Variants in B3GALT1 observed in about 807,000 individuals in gnomAD.
B3GALT1 encodes beta-1,3-galactosyltransferase 1.
B3GALT1 carries 10 observed loss-of-function variants against 23.2 expected under a neutral mutation model. The ratio of observed to expected loss-of-function variants is 0.43; its 90% CI spans 0.27 to 0.73. The LOEUF (loss-of-function observed/expected upper bound fraction) is 0.73, where lower values mean the gene tolerates loss of function less well. Ranked by LOEUF, B3GALT1 falls within the 30% of genes least tolerant of loss-of-function variation. The pLI is 0.21. For synonymous variants in B3GALT1, 156 were observed against 141.5 expected (o/e 1.10, Z -0.73); for missense variants, 299 against 405.4 (o/e 0.74, Z 2.25).
chr2:167,479,029 A>C (rs565405835), intron 1 of B3GALT1, among the ~76,000 whole-genome samples: 3 of 152,088 alleles, frequency 2.0e-5, no homozygotes, highest in African/African-American at 4.8e-5. Flanking sequence ...GCGCCACTGC[A>C]CTCCAGCCTG....
rs773241197 is a variant in B3GALT1, at chr2:167,399,801, A to G, written c.-510-90376A>G. On this transcript the variant is annotated intron_variant, in intron 1 of 4. Coordinates refer to ENST00000392690, the MANE Select transcript of B3GALT1 (RefSeq NM_020981.4). ...ACTTTACTTCTGTGTTGGAGACACTATTTTCTGGGATTTTATATTTTCTTC... is the reference window on the plus strand; with the variant it reads ...ACTTTACTTCTGTGTTGGAGACACTGTTTTCTGGGATTTTATATTTTCTTC... Among the ~76,000 whole-genome samples, 6 of 151,756 alleles carry G rather than the reference A, an allele frequency of 4.0e-5. No homozygotes were observed. The East Asian group carries it at 5.8e-4, about 15-fold the overall frequency.
intron 3 of B3GALT1, among the ~76,000 whole-genome samples, chr2:167,659,236 T>TG (rs1184103832): frequency 4.9e-5 from 6 of 121,834 alleles, no homozygotes; most frequent in Non-Finnish European, 1.2e-4. Context: ...TAGTTCCATG[T>TG]GTTTTTTTTT....
intron 3 of B3GALT1, among the ~76,000 whole-genome samples, chr2:167,758,165 G>A (rs534071514): frequency 1.9e-3 from 292 of 151,804 alleles, no homozygotes; most frequent in African/African-American, 6.6e-3. Flanking sequence ...CAGCTCTGTC[G>A]AATAGGACTG....
chr2:167,375,503 C>T (rs767372590), intron 1 of B3GALT1, among the ~76,000 whole-genome samples: 1 of 152,008 alleles, frequency 6.6e-6, no homozygotes, highest in Non-Finnish European at 1.5e-5. Context: ...TTTGTTTCAT[C>T]TATGATTTCC....
At chr2:167,624,608 A>C (rs574197934) in intron 2 of B3GALT1, among the ~76,000 whole-genome samples, 1 of 152,188 alleles carries the variant, frequency 6.6e-6, no homozygotes, top group African/African-American at 2.4e-5. Flanking sequence ...CTAGAATTTT[A>C]CTACAGTCTA....
At chr2:167,404,220 A>G (rs1698239430) in intron 1 of B3GALT1, among the ~76,000 whole-genome samples, 1 of 152,134 alleles carries the variant, frequency 6.6e-6, no homozygotes, top group South Asian at 2.1e-4. Flanking sequence ...TTCCATGGGA[A>G]CTAATAGAGC....
In B3GALT1 at chr2:167,818,780, G is replaced by A. The variant is rs549484614; in HGVS notation, c.-243G>A. On this transcript the variant is annotated 5_prime_UTR_variant, in exon 4 of 5. Coordinates refer to ENST00000392690, the MANE Select transcript of B3GALT1 (RefSeq NM_020981.4). ...AGTAAGAAGAAGGAAAACACAGCAC[G>A]CTGGAGCCAACAGGTAGGCGAGAAA... Among the ~76,000 whole-genome samples the A allele has an allele frequency of 2.6e-5, 4 of 152,180 alleles. No homozygotes were observed. Among genetic ancestry groups the A allele is most frequent in the Admixed American group, 6.5e-5 (1 of 15,282 alleles).
chr2:167,396,178 A>C (rs1283797365), intron 1 of B3GALT1, among the ~76,000 whole-genome samples: 13 of 152,176 alleles, frequency 8.5e-5, no homozygotes, highest in Admixed American at 7.2e-4. Context: ...TGAAGAGCTT[A>C]TATCTAATTG....
intron 3 of B3GALT1, among the ~76,000 whole-genome samples, chr2:167,670,463 A>G (rs981177394): frequency 2.0e-5 from 3 of 152,222 alleles, no homozygotes; most frequent in Non-Finnish European, 4.4e-5. Context: ...TTAAATGCAA[A>G]AACAACAATG....
chr2:167,594,750 TA>T (rs1250698574), intron 2 of B3GALT1, among the ~76,000 whole-genome samples: 3 of 151,916 alleles, frequency 2.0e-5, no homozygotes, highest in African/African-American at 7.3e-5. Context: ...CCGTCTCTAT[TA>T]AAAAATTAGC....
chr2:167,369,839 G>A (rs912549770), intron 1 of B3GALT1, among the ~76,000 whole-genome samples: 1 of 152,152 alleles, frequency 6.6e-6, no homozygotes, highest in Non-Finnish European at 1.5e-5. Flanking sequence ...TTGAACTAAA[G>A]AGCAAAGTAA....
chr2:167,803,854 G>C (rs1199071428), intron 3 of B3GALT1, among the ~76,000 whole-genome samples: 1 of 152,070 alleles, frequency 6.6e-6, no homozygotes, highest in East Asian at 1.9e-4. Context: ...GCAGTTCTAG[G>C]GTAGGCATTT....
intron 1 of B3GALT1, among the ~76,000 whole-genome samples, chr2:167,324,806 A>G (rs1419059784): frequency 6.6e-6 from 1 of 152,010 alleles, no homozygotes; most frequent in Admixed American, 6.6e-5. Context: ...TAGAACTTAC[A>G]TCTTCCGTCT....
intron 3 of B3GALT1, among the ~76,000 whole-genome samples, chr2:167,702,360 C>T (rs956272321): frequency 1.1e-4 from 17 of 152,094 alleles, no homozygotes; most frequent in African/African-American, 1.9e-4. Context: ...GAAATGTTCT[C>T]GATGAAGCAA....
intron 3 of B3GALT1, among the ~76,000 whole-genome samples, chr2:167,674,996 A>T (rs1024803446): frequency 2.6e-5 from 4 of 152,208 alleles, no homozygotes; most frequent in African/African-American, 9.7e-5. Flanking sequence ...CCCTGGAAGT[A>T]TGTTTTCCAA....
intron 1 of B3GALT1, among the ~76,000 whole-genome samples, chr2:167,405,941 T>A (rs1698267783): frequency 6.6e-6 from 1 of 152,006 alleles, no homozygotes; most frequent in African/African-American, 2.4e-5. Context: ...ACATGATAGA[T>A]GGGTAAATAG....
chr2:167,702,867 T>G (rs1686902810), intron 3 of B3GALT1, among the ~76,000 whole-genome samples: 1 of 152,226 alleles, frequency 6.6e-6, no homozygotes, highest in South Asian at 2.1e-4. Flanking sequence ...ACAAAGCAGA[T>G]GTGCTCCCAA....
At chr2:167,357,030 G>GTA (rs779802745) in intron 1 of B3GALT1, among the ~76,000 whole-genome samples, 20 of 151,168 alleles carry the variant, frequency 1.3e-4, no homozygotes, top group African/African-American at 4.4e-4. Context: ...GTGTGTGTGT[G>GTA]TATATATATA....
chr2:167,478,577 T>A (rs992011881), intron 1 of B3GALT1, among the ~76,000 whole-genome samples: 2 of 151,692 alleles, frequency 1.3e-5, no homozygotes, highest in African/African-American at 2.4e-5. Flanking sequence ...AGTTTTTTTT[T>A]AAATTATACT....
Sources: allele counts gnomAD v4.1 joint callset (sites outside exome capture counted in the v4.1 genomes callset), GRCh38; gene constraint gnomAD v4.1.1; transcripts MANE v1.5; gene names NCBI Gene and HGNC (gene_info 2026-07-23, HGNC 2026-07-21).